The following CNBD1 variants were observed in gnomAD, a reference collection of about 807,000 sequenced individuals.
CNBD1 encodes cyclic nucleotide-binding domain-containing protein 1.
In CNBD1, 71 loss-of-function variants were observed where a neutral mutation model predicts 54.4. The ratio of observed to expected loss-of-function variants is 1.30; its 90% CI spans 1.08 to 1.59. The LOEUF is 1.59. Among genes scored for constraint, CNBD1 ranks in the 40% most tolerant of loss-of-function variants. CNBD1 has a pLI of 0.00. For synonymous variants in CNBD1, 182 were observed against 170.7 expected (o/e 1.07, Z -0.51); for missense variants, 659 against 518.0 (o/e 1.27, Z -2.64).
At chr8:87,191,538 TCA>T (rs1813610106) in intron 4 of CNBD1, among the ~76,000 whole-genome samples, 4 of 152,164 alleles carry the variant, frequency 2.6e-5, no homozygotes, top group African/African-American at 9.7e-5. Flanking sequence ...ATATTAACCA[TCA>T]CACCTGTCAA....
intron 8 of CNBD1, among the ~76,000 whole-genome samples, chr8:87,339,442 T>G (rs1672262750): frequency 6.6e-6 from 1 of 151,930 alleles, no homozygotes; most frequent in African/African-American, 2.4e-5. Context: ...TTGTCTGTTT[T>G]GTGTATCAAT....
chr8:87,329,740 T>C (rs1262169150), intron 8 of CNBD1, among the ~76,000 whole-genome samples: 1 of 152,036 alleles, frequency 6.6e-6, no homozygotes, highest in Non-Finnish European at 1.5e-5. Context: ...CTTGTGTATA[T>C]TAACCTTGTA....
chr8:87,318,718 C>T (rs1039546139), intron 8 of CNBD1, among the ~76,000 whole-genome samples: 1 of 151,650 alleles, frequency 6.6e-6, no homozygotes, highest in Non-Finnish European at 1.5e-5. Flanking sequence ...GGAGGGGGGG[C>T]ATTGGATAAT....
At chr8:86,903,518 A>G (rs1006169000) in intron 2 of CNBD1, among the ~76,000 whole-genome samples, 7 of 152,114 alleles carry the variant, frequency 4.6e-5, no homozygotes, top group African/African-American at 1.7e-4. Flanking sequence ...ATTACTTAGA[A>G]GAGTGCCTGG....
chr8:87,425,833 G>A (rs1259880975), intron 2 of CNBD1, among the ~76,000 whole-genome samples: 9 of 152,104 alleles, frequency 5.9e-5, no homozygotes, highest in Non-Finnish European at 1.3e-4. Context: ...TCCTTGAGCT[G>A]TGGTGGGCTC....
intron 4 of CNBD1, among the ~76,000 whole-genome samples, chr8:87,018,203 A>G (rs1056500734): frequency 6.6e-6 from 1 of 152,238 alleles, no homozygotes; most frequent in Non-Finnish European, 1.5e-5. Context: ...AGATTGTGCC[A>G]TTGCACTCCA....
At position 87,166,983 on chromosome 8, in the gene CNBD1, A is replaced by G. The variant is rs1243461504; in HGVS notation, c.432-39010A>G. Among the ~76,000 whole-genome samples, 2 of 152,036 alleles carry G rather than the reference A, an allele frequency of 1.3e-5. No individual in the cohort carries two copies. Among genetic ancestry groups the G allele is most frequent in the Non-Finnish European group, 2.9e-5 (2 of 67,944 alleles). ...TGAAGCTTAACCAAAATGAATGTAG[A>G]TAGCAATGTGACCATATAAAATATT... On this transcript the variant is annotated intron_variant, in intron 4 of 10. Transcript: ENST00000518476. This position sits in a 1 kb window ranked among gnomAD's most constrained non-coding sequence, Gnocchi z 4.3.
chr8:86,945,317 T>G (rs546399050), intron 4 of CNBD1, among the ~76,000 whole-genome samples: 1 of 152,282 alleles, frequency 6.6e-6, no homozygotes, highest in East Asian at 1.9e-4. Flanking sequence ...TTTGAGCGAA[T>G]GAGGCATCTG....
intron 4 of CNBD1, among the ~76,000 whole-genome samples, chr8:86,989,870 C>G (rs1042181367): frequency 3.9e-5 from 6 of 152,130 alleles, no homozygotes; most frequent in Middle Eastern, 3.2e-3. Context: ...ATTATTGCCT[C>G]TCCTTTGAAT....
intron 5 of CNBD1, among the ~76,000 whole-genome samples, chr8:87,233,466 A>T (rs569585699): frequency 6.6e-6 from 1 of 152,176 alleles, no homozygotes; most frequent in Non-Finnish European, 1.5e-5. Context: ...TATGTTTAAA[A>T]ATATATATAC....
chr8:87,211,060 C>G (rs1322115528), intron 5 of CNBD1, among the ~76,000 whole-genome samples: 1 of 152,154 alleles, frequency 6.6e-6, no homozygotes, highest in Non-Finnish European at 1.5e-5. Flanking sequence ...GGGAGCCCAC[C>G]ACTTGTACCA....
Position 87,084,461 on chromosome 8 carries a change from C to G in CNBD1, c.432-121532C>G, listed in dbSNP as rs187584036. On this transcript the variant is annotated intron_variant, in intron 4 of 10. Coordinates refer to ENST00000518476, the MANE Select transcript of CNBD1 (RefSeq NM_173538.3). ...GAGATGTTCCCACTAATAAAGAAGT[C>G]TGGATGAACAGGTTTTTTTTTCTTC... Among the ~76,000 whole-genome samples the G allele has an allele frequency of 1.1e-3, 167 of 152,184 alleles. 3 individuals carry two copies. The highest frequency in any genetic ancestry group is 3.8e-3 in the African/African-American group (156 of 41,546).
At chr8:87,058,283 C>T (rs1346872224) in intron 4 of CNBD1, among the ~76,000 whole-genome samples, 1 of 152,182 alleles carries the variant, frequency 6.6e-6, no homozygotes, top group Admixed American at 6.5e-5. Flanking sequence ...CAGCTGCTTT[C>T]ACAGCTGGTG....
chr8:87,387,952 G>C (rs565154947), intron 2 of CNBD1, among the ~76,000 whole-genome samples: 5 of 152,114 alleles, frequency 3.3e-5, no homozygotes, highest in South Asian at 2.1e-4. Flanking sequence ...TTAAGAAACT[G>C]ACTCAAAACC....
chr8:87,229,517 CT>C (rs764904607), intron 5 of CNBD1, among the ~76,000 whole-genome samples: 3 of 152,112 alleles, frequency 2.0e-5, no homozygotes, highest in East Asian at 3.9e-4. Flanking sequence ...AGATAGTAAT[CT>C]TTTTTAGACA....
intron 4 of CNBD1, among the ~76,000 whole-genome samples, chr8:86,965,341 C>A (rs1378141579): frequency 1.3e-5 from 2 of 152,142 alleles, no homozygotes; most frequent in Non-Finnish European, 2.9e-5. Flanking sequence ...TAGCCTCAGC[C>A]AGATACTCTC....
At chr8:87,067,812 AT>A (rs1324042504) in intron 4 of CNBD1, among the ~76,000 whole-genome samples, 2 of 151,704 alleles carry the variant, frequency 1.3e-5, no homozygotes, top group Non-Finnish European at 3.0e-5. Flanking sequence ...TTCTCTGTGT[AT>A]TTTTTTCATG....
intron 3 of CNBD1, among the ~76,000 whole-genome samples, chr8:86,933,107 G>T (rs1031018333): frequency 6.6e-6 from 1 of 152,244 alleles, no homozygotes; most frequent in South Asian, 2.1e-4. Flanking sequence ...GAAGAGTGAT[G>T]CCTTTTGTCC....
chr8:87,052,144 G>T (rs923887466), intron 4 of CNBD1, among the ~76,000 whole-genome samples: 53 of 152,340 alleles, frequency 3.5e-4, no homozygotes, highest in African/African-American at 1.3e-3. Flanking sequence ...ACTAGTGCCT[G>T]TGTCTCTCTC....
Sources: gnomAD v4.1 joint callset for allele counts (sites outside exome capture counted in the v4.1 genomes callset) on GRCh38, gnomAD v4.1.1 for gene constraint, Gnocchi (gnomAD v3.1) non-coding constraint, MANE v1.5 for transcripts, NCBI Gene and HGNC (gene_info 2026-07-23, HGNC 2026-07-21) for gene names.